Variants in ANKH observed in about 807,000 individuals in gnomAD.
The protein encoded by ANKH is mineralization regulator ANKH.
ANKH carries 15 observed loss-of-function variants against 49.0 expected under a neutral mutation model. The ratio of observed to expected loss-of-function variants is 0.31; its 90% confidence interval spans 0.20 to 0.47. ANKH has a LOEUF of 0.47. ANKH is among the 20% of genes least tolerant of loss of function. The pLI, the probability that ANKH is intolerant of heterozygous loss-of-function variation, is 1.00. For missense variants in ANKH, 429 were observed against 652.0 expected (o/e 0.66, Z 3.72); for synonymous variants, 273 against 260.0 (o/e 1.05, Z -0.48).
In ANKH at chr5:14,706,512, G is replaced by A. The variant is rs1307009081; in HGVS notation, c.*4685C>T. 4 of 152,228 alleles carry A rather than the reference G, an allele frequency of 2.6e-5. No individual in the cohort carries two copies. Among genetic ancestry groups the A allele is most frequent in the Middle Eastern group, 3.4e-3 (1 of 294 alleles). 9.4% of individuals were successfully genotyped at this position (152,228 alleles called of 1,614,324 possible). A position where few individuals can be genotyped will look rare whatever the true frequency, so the allele number is the denominator to read the frequency against. ...AGAAGAAAATAAAGTCTAAACTTAA[G>A]GTCTTATCATCTCGTTTTTCCCTTT... is the stretch of plus-strand genomic sequence containing the variant. On this transcript the variant is annotated 3_prime_UTR_variant, in exon 12 of 12. Transcript: ENST00000284268.
chr5:14,797,391 C>A, intron 1 of ANKH: 1 of 1,610,950 alleles, frequency 6.2e-7, no homozygotes, highest in Non-Finnish European at 8.5e-7. Flanking sequence ...GTGATCAGTA[C>A]CACTGGAAGC....
Position 14,798,842 on chromosome 5 carries a change from G to T in ANKH, c.97-29651C>A, listed in dbSNP as rs545385587. ...CCTGAAACAAAACAATACTGAAATT[G>T]GGCCAATTAATAACCCTACAATGGC... On this transcript the variant is annotated intron_variant, in intron 1 of 11. Coordinates refer to ENST00000284268, the MANE Select transcript of ANKH (RefSeq NM_054027.6). Among the ~76,000 whole-genome samples, 5 of 152,202 alleles carry T rather than the reference G, an allele frequency of 3.3e-5. No homozygotes were observed. In the South Asian group the frequency reaches 1.0e-3, roughly 32 times the overall value.
At chr5:14,774,478 C>T (rs1031054799) in intron 1 of ANKH, among the ~76,000 whole-genome samples, 1 of 152,074 alleles carries the variant, frequency 6.6e-6, no homozygotes, top group Middle Eastern at 3.2e-3. Flanking sequence ...CGCTCTGTCG[C>T]CCAGTCTGGA....
intron 6 of ANKH, among the ~76,000 whole-genome samples, chr5:14,746,285 G>T (rs903685528): frequency 1.4e-5 from 2 of 140,394 alleles, no homozygotes; most frequent in Non-Finnish European, 3.0e-5. Flanking sequence ...GGGAAGCCAA[G>T]ATTCCTTTTT....
chr5:14,814,395 G>C (rs1157509942), intron 1 of ANKH, among the ~76,000 whole-genome samples: 1 of 152,158 alleles, frequency 6.6e-6, no homozygotes, highest in Non-Finnish European at 1.5e-5. Flanking sequence ...GAGCCCAGGA[G>C]CTTGAGACCA....
intron 1 of ANKH, among the ~76,000 whole-genome samples, chr5:14,836,304 A>G (rs957311013): frequency 1.3e-5 from 2 of 152,154 alleles, no homozygotes; most frequent in Non-Finnish European, 2.9e-5. Context: ...AGGGTATTCA[A>G]TTAGGAAAAG....
intron 7 of ANKH, among the ~76,000 whole-genome samples, chr5:14,743,029 A>T (rs1020612741): frequency 6.6e-6 from 1 of 152,236 alleles, no homozygotes; most frequent in African/African-American, 2.4e-5. Context: ...ACCCACAGCT[A>T]CTACAGGATC....
intron 1 of ANKH, among the ~76,000 whole-genome samples, chr5:14,868,123 T>C (rs1735706392): frequency 2.0e-5 from 3 of 152,182 alleles, no homozygotes; most frequent in Admixed American, 1.3e-4. Context: ...TCCTAGCCCC[T>C]CCACACACAC....
At chr5:14,826,017 A>G (rs1741330958) in intron 1 of ANKH, 1 of 154,106 alleles carries the variant, frequency 6.5e-6, no homozygotes, top group African/African-American at 2.4e-5. Flanking sequence ...TAAGGGTCCT[A>G]ACTAATTTTT....
intron 2 of ANKH, among the ~76,000 whole-genome samples, chr5:14,761,817 A>G (rs539919155): frequency 1.3e-5 from 2 of 150,876 alleles, no homozygotes; most frequent in South Asian, 2.1e-4. Flanking sequence ...CCAGGGTGGA[A>G]TGCAGTGGCG....
rs540418979 is a variant in ANKH at position 14,769,335 on chromosome 5, A to C, written c.97-144T>G. ...GGGTGCATCTCATGTAATTGGATAAAGGTGATTGGTTTTCATTTTCATCTA... is the reference window on the plus strand; with the variant it reads ...GGGTGCATCTCATGTAATTGGATAACGGTGATTGGTTTTCATTTTCATCTA... On this transcript the variant is annotated intron_variant, in intron 1 of 11. Coordinates refer to ENST00000284268, the MANE Select transcript of ANKH (RefSeq NM_054027.6). The C allele has an allele frequency of 3.2e-4, 231 of 723,326 alleles. 2 individuals carry two copies. The highest frequency in any genetic ancestry group is 1.9e-3 in the Middle Eastern group (5 of 2,624). The allele number at this position is 723,326 out of a possible 1,614,324, so 44.8% of individuals were successfully genotyped here.
chr5:14,712,521 GT>G (rs1737261162), intron 11 of ANKH, among the ~76,000 whole-genome samples: 2 of 152,222 alleles, frequency 1.3e-5, no homozygotes, highest in Non-Finnish European at 2.9e-5. Context: ...TGGTATCACT[GT>G]CCCCTCTCCC....
rs1055992069 is a variant in ANKH at position 14,745,357 on chromosome 5, A to G, written c.915+513T>C. Among the ~76,000 whole-genome samples the G allele has an allele frequency of 5.9e-5, 9 of 152,214 alleles. No homozygotes were observed. The highest frequency in any genetic ancestry group is 4.6e-4 in the Admixed American group (7 of 15,288). On this transcript the variant is annotated intron_variant, in intron 7 of 11. Coordinates refer to ENST00000284268, the MANE Select transcript of ANKH (RefSeq NM_054027.6). The surrounding 1 kb of genome is among the most constrained non-coding windows in gnomAD (Gnocchi z 4.7). Reference sequence around the variant, plus strand: ...GTGACTCCCATGGCTGGGGAGACAGAGCAGCTGTCAACAGGCTTTCCACTG... The same window carrying G: ...GTGACTCCCATGGCTGGGGAGACAGGGCAGCTGTCAACAGGCTTTCCACTG...
intron 1 of ANKH, among the ~76,000 whole-genome samples, chr5:14,849,952 A>C (rs1742079389): frequency 6.6e-6 from 1 of 151,840 alleles, no homozygotes; most frequent in Non-Finnish European, 1.5e-5. Flanking sequence ...CCTAGGATGC[A>C]CCCTCCAGGT....
intron 2 of ANKH, among the ~76,000 whole-genome samples, chr5:14,764,077 A>AAAATAAATAAATAAATAAATAAATAAAT (rs144437805): frequency 6.8e-6 from 1 of 146,866 alleles, no homozygotes; most frequent in African/African-American, 2.7e-5. Context: ...GACAGAACGG[A>AAAATAAATAAATAAATAAATAAATAAAT]AAATAAATAA....
In ANKH at chr5:14,707,433, C is replaced by CTG; in HGVS notation, c.*3762_*3763dup. On this transcript the variant is annotated 3_prime_UTR_variant, in exon 12 of 12. Coordinates refer to ENST00000284268, the MANE Select transcript of ANKH (RefSeq NM_054027.6). ...GGGGAACAAGTAAGAGAGCAGAGAG[C>CTG]TGTTAACATTTCACACTTCTTATTC... 1 of 152,332 alleles carries CTG rather than the reference C, an allele frequency of 6.6e-6. No homozygotes were observed. Among genetic ancestry groups the CTG allele is most frequent in the Non-Finnish European group, 1.5e-5 (1 of 68,032 alleles). The allele number at this position is 152,332 out of a possible 1,614,324, so 9.4% of individuals were successfully genotyped here. A position where few individuals can be genotyped will look rare whatever the true frequency, so the allele number is the denominator to read the frequency against.
chr5:14,818,463 G>A (rs1741102736), intron 1 of ANKH, among the ~76,000 whole-genome samples: 1 of 151,612 alleles, frequency 6.6e-6, no homozygotes, highest in African/African-American at 2.4e-5. Context: ...CCAACATGGT[G>A]AACCCCTATC....
intron 8 of ANKH, among the ~76,000 whole-genome samples, chr5:14,731,671 G>C (rs190434100): frequency 6.6e-6 from 1 of 152,338 alleles, no homozygotes; most frequent in African/African-American, 2.4e-5. Flanking sequence ...GAGAATCAGG[G>C]AGAGGCTGGG....
intron 7 of ANKH, among the ~76,000 whole-genome samples, chr5:14,744,376 G>A (rs1738459404): frequency 6.6e-6 from 1 of 152,236 alleles, no homozygotes; most frequent in African/African-American, 2.4e-5. Flanking sequence ...AGGGTTCTGG[G>A]TCTATCGCCC....
Sources: gnomAD v4.1 joint callset for allele counts (sites outside exome capture counted in the v4.1 genomes callset) on GRCh38, gnomAD v4.1.1 for gene constraint, Gnocchi (gnomAD v3.1) non-coding constraint, MANE v1.5 for transcripts, NCBI Gene and HGNC (gene_info 2026-07-23, HGNC 2026-07-21) for gene names.